FGF2: variants seen among roughly 807,000 people sequenced by gnomAD.
FGF2 encodes the protein basic fibroblast growth factor bFGF.
A neutral mutation model predicts 15.9 loss-of-function variants in FGF2; 13 were observed. The observed-to-expected ratio is 0.82, with a 90% confidence interval of 0.53 to 1.30. The LOEUF (loss-of-function observed/expected upper bound fraction) is 1.30. FGF2 is among the 50% of genes most tolerant of loss of function. FGF2 has a pLI of 0.00. For synonymous variants in FGF2, 90 were observed against 78.4 expected (o/e 1.15, Z -0.78); for missense variants, 163 against 196.9 (o/e 0.83, Z 1.03).
chr4:122,874,609 C>T (rs964525073), intron 1 of FGF2, among the ~76,000 whole-genome samples: 6 of 151,974 alleles, frequency 3.9e-5, no homozygotes, highest in African/African-American at 1.4e-4. Flanking sequence ...CTTATTTATC[C>T]TATCCACTTT....
At chr4:122,874,997 T>C (rs1050217784) in intron 1 of FGF2, among the ~76,000 whole-genome samples, 2 of 152,220 alleles carry the variant, frequency 1.3e-5, no homozygotes, top group Non-Finnish European at 2.9e-5. Context: ...TTTATCTTGT[T>C]TATCTTATGA....
intron 1 of FGF2, among the ~76,000 whole-genome samples, chr4:122,848,103 G>A (rs6534363): frequency 0.025 from 3,796 of 152,290 alleles, 176 homozygotes; most frequent in African/African-American, 0.086. Context: ...CCTGGCTTGG[G>A]TAAGACCAAC....
intron 2 of FGF2, chr4:122,888,810 AT>A (rs1727109636): frequency 6.6e-6 from 1 of 151,926 alleles, no homozygotes; most frequent in Non-Finnish European, 1.5e-5. Flanking sequence ...TCAGGTTTAC[AT>A]TTTTCTAAGT....
chr4:122,873,058 C>T (rs1015071156), intron 1 of FGF2, among the ~76,000 whole-genome samples: 1 of 152,204 alleles, frequency 6.6e-6, no homozygotes, highest in African/African-American at 2.4e-5. Context: ...TGTCCTTTAC[C>T]TTCTGTCTTT....
chr4:122,883,867 G>A (rs1727007023), intron 2 of FGF2, among the ~76,000 whole-genome samples: 1 of 152,230 alleles, frequency 6.6e-6, no homozygotes, highest in East Asian at 1.9e-4. Flanking sequence ...ATGAAAAAAT[G>A]TATATTCTCT....
At chr4:122,877,222 G>A (rs1303419563) in intron 2 of FGF2, among the ~76,000 whole-genome samples, 1 of 151,530 alleles carries the variant, frequency 6.6e-6, no homozygotes, top group Non-Finnish European at 1.5e-5. Context: ...CAATTCTCCT[G>A]CCTCAGCCTC....
At chr4:122,880,487 A>G (rs1479307883) in intron 2 of FGF2, among the ~76,000 whole-genome samples, 1 of 151,956 alleles carries the variant, frequency 6.6e-6, no homozygotes, top group Non-Finnish European at 1.5e-5. Flanking sequence ...CAACCTCGTG[A>G]TCTTCCCCCC....
Position 122,892,985 on chromosome 4 carries a change from C to T in FGF2, c.*589C>T. ...ATACAGCAGCAGCCTAGCAACTCTGCTGGTGATGGGAGTTGTATTTTCAGT... is the reference window on the plus strand; with the variant it reads ...ATACAGCAGCAGCCTAGCAACTCTGTTGGTGATGGGAGTTGTATTTTCAGT... On this transcript the variant is annotated 3_prime_UTR_variant, in exon 3 of 3. Coordinates refer to ENST00000644866, the MANE Select transcript of FGF2 (RefSeq NM_001361665.2). The T allele has an allele frequency of 6.2e-7, 1 of 1,614,172 alleles. No homozygotes were observed. The highest frequency in any genetic ancestry group is 8.5e-7 in the Non-Finnish European group (1 of 1,180,040).
At chr4:122,843,796 A>G (rs1400583871) in intron 1 of FGF2, among the ~76,000 whole-genome samples, 1 of 152,232 alleles carries the variant, frequency 6.6e-6, no homozygotes, top group East Asian at 1.9e-4. Context: ...AGCATTATAT[A>G]TGTTAAAAAA....
intron 1 of FGF2, among the ~76,000 whole-genome samples, chr4:122,871,109 C>T (rs759796689): frequency 6.6e-6 from 1 of 152,114 alleles, no homozygotes; most frequent in Non-Finnish European, 1.5e-5. Flanking sequence ...GCAGGTTGTT[C>T]AATTTCCATG....
At chr4:122,878,920 C>T (rs538055660) in intron 2 of FGF2, among the ~76,000 whole-genome samples, 38 of 152,134 alleles carry the variant, frequency 2.5e-4, no homozygotes, top group Middle Eastern at 3.4e-3. Flanking sequence ...GTAGTAAGTT[C>T]GAATTTAGAC....
chr4:122,826,777 TGGTGGGTGTGGGG>T (rs1353171555), upstream of FGF2: 15 of 1,330,164 alleles, frequency 1.1e-5, no homozygotes, highest in Non-Finnish European at 1.5e-5. Flanking sequence ...CGCGGGAGGC[TGGTGGGTGTGGGG>T]GGTGGAGATG....
At chr4:122,873,075 C>G (rs1440233413) in intron 1 of FGF2, among the ~76,000 whole-genome samples, 1 of 152,218 alleles carries the variant, frequency 6.6e-6, no homozygotes, top group African/African-American at 2.4e-5. Context: ...CTTTCCCTTT[C>G]TGCCTTCTTG....
At chr4:122,874,257 A>T (rs1354009891) in intron 1 of FGF2, among the ~76,000 whole-genome samples, 2 of 152,232 alleles carry the variant, frequency 1.3e-5, no homozygotes, top group African/African-American at 4.8e-5. Context: ...GGTTATGTTG[A>T]TTAAAAACAA....
intron 2 of FGF2, among the ~76,000 whole-genome samples, chr4:122,891,021 C>CTTTTTTT (rs769084285): frequency 4.1e-4 from 39 of 94,704 alleles, no homozygotes; most frequent in South Asian, 2.6e-3. Context: ...AACAATTTAT[C>CTTTTTTT]TTTTTTTTTT....
In FGF2 at chr4:122,855,658, A is replaced by G. The variant is rs1726324208; in HGVS notation, c.179-20663A>G. On this transcript the variant is annotated intron_variant, in intron 1 of 2. Transcript: ENST00000644866. ...GAAGACATTTTCTCATAAGTAGTGC[A>G]GATGGTGCCCTAGGAGCTGATGAGC... Among the ~76,000 whole-genome samples, 3 of 152,350 alleles carry G rather than the reference A, an allele frequency of 2.0e-5. No homozygotes were observed. In the South Asian group the frequency reaches 6.2e-4, roughly 32 times the overall value.
At chr4:122,879,216 A>G (rs1436679837) in intron 2 of FGF2, among the ~76,000 whole-genome samples, 2 of 152,226 alleles carry the variant, frequency 1.3e-5, no homozygotes, top group Non-Finnish European at 2.9e-5. Flanking sequence ...TAGTTTGGGA[A>G]TCTACCAAAG....
At chr4:122,868,462 A>T (rs1464242375) in intron 1 of FGF2, among the ~76,000 whole-genome samples, 1 of 152,068 alleles carries the variant, frequency 6.6e-6, no homozygotes, top group South Asian at 2.1e-4. Context: ...ATTCCTTTTT[A>T]TGGCTGCATA....
At chr4:122,848,680 C>A (rs565243435) in intron 1 of FGF2, among the ~76,000 whole-genome samples, 1 of 152,208 alleles carries the variant, frequency 6.6e-6, no homozygotes, top group Non-Finnish European at 1.5e-5. Context: ...GTGGTAGTTT[C>A]TTTTAAAGTC....
Sources: gnomAD v4.1 joint callset for allele counts (sites outside exome capture counted in the v4.1 genomes callset) on GRCh38, gnomAD v4.1.1 for gene constraint, MANE v1.5 for transcripts, NCBI Gene and HGNC (gene_info 2026-07-23, HGNC 2026-07-21) for gene names.